Variants in FBXO45 observed in about 807,000 individuals in gnomAD.
The protein encoded by FBXO45 is F-box/SPRY domain-containing protein 1.
Under a neutral mutation model 25.5 loss-of-function variants are expected in FBXO45, and 3 were observed. The ratio of observed to expected loss-of-function variants is 0.12; its 90% CI spans 0.05 to 0.30. The LOEUF (loss-of-function observed/expected upper bound fraction) is 0.30, where lower values mean the gene tolerates loss of function less well. Ranked by LOEUF, FBXO45 falls within the 10% of genes least tolerant of loss-of-function variation. FBXO45 has a pLI of 1.00. For missense variants in FBXO45, 219 were observed against 365.0 expected (o/e 0.60, Z 3.26); for synonymous variants, 155 against 149.8 (o/e 1.03, Z -0.25).
chr3:196,572,786 A>C (rs1735849601), intron 1 of FBXO45, among the ~76,000 whole-genome samples: 2 of 152,220 alleles, frequency 1.3e-5, no homozygotes, highest in Admixed American at 1.3e-4. Context: ...GGAAATAGGT[A>C]GTGGAGGAGA....
At position 196,569,015 on chromosome 3, in the gene FBXO45, G is replaced by C. The variant is rs1010962800; in HGVS notation, c.31G>C (p.Ala11Pro). 6.9e-6 allele frequency: 7 copies of C among 1,009,846 alleles called. No individual in the cohort carries two copies. Among genetic ancestry groups the C allele is most frequent in the Non-Finnish European group, 8.3e-6 (7 of 848,160 alleles). The allele number at this position is 1,009,846 out of a possible 1,614,324, so 62.6% of individuals were successfully genotyped here. MAAPAPGAGAASGGAGCSGGG... is the reference protein window; with the variant it reads MAAPAPGAGAPSGGAGCSGGG... ...GGCGCCGGCCCCGGGGGCTGGGGCA[G>C]CCTCGGGCGGCGCTGGCTGTAGCGG... The change falls in exon 1 of 3, where the codon GCC becomes CCC. Residue 11 changes from alanine (A) to proline (P), a missense_variant. Physicochemically the swap from Ala to Pro is conservative, Grantham distance 27. Around this residue, in one of 4 missense-constraint regions of FBXO45, gnomAD observed 138 missense variants for 157.3 expected, o/e 0.88. Transcript: ENST00000311630. This position sits in a 1 kb window ranked among gnomAD's most constrained non-coding sequence, Gnocchi z 4.1.
rs746544153 is a variant in FBXO45 at position 196,577,638 on chromosome 3, G to A, written c.504G>A (p.Val168=). Residue 168 remains valine (V), a synonymous_variant, in exon 2 of 3, where the codon GTG becomes GTA. Coordinates refer to ENST00000311630, the MANE Select transcript of FBXO45 (RefSeq NM_001105573.2). ...EVWWEGPLGT[V]AVIGIATKRA... ...GGTGGGAGGGCCCTCTGGGCACTGT[G>A]GCAGTGATTGGAATTGCCACAAAAC... 1.2e-6 allele frequency: 2 copies of A among 1,613,716 alleles called. No individual in the cohort carries two copies. Among genetic ancestry groups the A allele is most frequent in the South Asian group, 2.2e-5 (2 of 91,048 alleles).
chr3:196,574,628 G>C lies in FBXO45; in HGVS notation c.319-2825G>C, dbSNP rs1172503242. On this transcript the variant is annotated intron_variant, in intron 1 of 2. Transcript: ENST00000311630. ...TGTCCTCTATTTCCTACTGAGGTGT[G>C]ATCAATTTAGATTAGATTAGATTTT... is the stretch of plus-strand genomic sequence containing the variant. 2.6e-5 allele frequency among the ~76,000 whole-genome samples: 4 copies of C among 152,130 alleles called. No homozygotes were observed. In the East Asian group the frequency reaches 5.8e-4, roughly 22 times the overall value.
chr3:196,575,946 G>T (rs1362511736), intron 1 of FBXO45, among the ~76,000 whole-genome samples: 1 of 152,118 alleles, frequency 6.6e-6, no homozygotes, highest in African/African-American at 2.4e-5. Flanking sequence ...CAAAGTGCTG[G>T]GATTGCAGGG....
chr3:196,570,443 G>T (rs1446560632), intron 1 of FBXO45, among the ~76,000 whole-genome samples: 1 of 151,878 alleles, frequency 6.6e-6, no homozygotes, highest in South Asian at 2.1e-4. Context: ...CTTCTTGTTG[G>T]TTAGGCTGGC....
chr3:196,584,322 T>C lies in FBXO45; in HGVS notation c.*4T>C. ...TGGAAAACCTTTGGACGGATGACAG[T>C]GGCTTTCTTGTGATGACAGACAGAA... On this transcript the variant is annotated 3_prime_UTR_variant, in exon 3 of 3. Coordinates refer to ENST00000311630, the MANE Select transcript of FBXO45 (RefSeq NM_001105573.2). This position sits in a 1 kb window ranked among gnomAD's most constrained non-coding sequence, Gnocchi z 4.3. 1 of 1,596,382 alleles carries C rather than the reference T, an allele frequency of 6.3e-7. No individual in the cohort carries two copies.
rs1736113797 is a variant in FBXO45 at position 196,586,515 on chromosome 3, A to G, written c.*2197A>G. 1 of 152,244 alleles carries G rather than the reference A, an allele frequency of 6.6e-6. No individual in the cohort carries two copies. The highest frequency in any genetic ancestry group is 2.4e-5 in the African/African-American group (1 of 41,460). The allele number at this position is 152,244 out of a possible 1,614,324, so 9.4% of individuals were successfully genotyped here. Reference sequence around the variant, plus strand: ...AGTGAGCAGCATGAGCATCTGGGTCATGAGGGCCTTCATTTACGTAAATTT... The same window carrying G: ...AGTGAGCAGCATGAGCATCTGGGTCGTGAGGGCCTTCATTTACGTAAATTT... On this transcript the variant is annotated 3_prime_UTR_variant, in exon 3 of 3. Transcript: ENST00000311630.
chr3:196,588,723 G>A lies in FBXO45; in HGVS notation c.*4405G>A, dbSNP rs1736182401. On this transcript the variant is annotated 3_prime_UTR_variant, in exon 3 of 3. Coordinates refer to ENST00000311630, the MANE Select transcript of FBXO45 (RefSeq NM_001105573.2). The surrounding 1 kb of genome is among the most constrained non-coding windows in gnomAD (Gnocchi z 4.2). ...CACAACATGTAAGCCCAATAGGCAG[G>A]TGCTCACATATTTGCTGAAGGAACA... The A allele has an allele frequency of 6.6e-6, 1 of 152,252 alleles. No homozygotes were observed. The highest frequency in any genetic ancestry group is 1.9e-4 in the East Asian group (1 of 5,192). 9.4% of individuals were successfully genotyped at this position (152,252 alleles called of 1,614,324 possible).
intron 1 of FBXO45, among the ~76,000 whole-genome samples, chr3:196,575,191 C>T (rs1015622958): frequency 6.6e-6 from 1 of 152,202 alleles, no homozygotes; most frequent in Admixed American, 6.5e-5. Flanking sequence ...CGTGGTGGCT[C>T]ACGCCTGTAA....
rs1735867441 is a variant in FBXO45, at chr3:196,573,795, G to A, written c.319-3658G>A. 3.3e-5 allele frequency among the ~76,000 whole-genome samples: 5 copies of A among 152,094 alleles called. No individual in the cohort carries two copies. In the South Asian group the frequency reaches 1.0e-3, roughly 32 times the overall value. ...GCATTAATTATTTAAGTCATACTTG[G>A]CATCTGATGAGAATTCTCTAAAGTT... On this transcript the variant is annotated intron_variant, in intron 1 of 2. Coordinates refer to ENST00000311630, the MANE Select transcript of FBXO45 (RefSeq NM_001105573.2).
intron 2 of FBXO45, among the ~76,000 whole-genome samples, chr3:196,578,491 T>G (rs192933431): frequency 6.6e-6 from 1 of 151,736 alleles, no homozygotes; most frequent in Admixed American, 6.6e-5. Flanking sequence ...GTCTTTGCAG[T>G]CCATATGGTC....
At position 196,584,393 on chromosome 3, in the gene FBXO45, T is replaced by G; in HGVS notation, c.*75T>G. On this transcript the variant is annotated 3_prime_UTR_variant, in exon 3 of 3. Transcript: ENST00000311630. This position sits in a 1 kb window ranked among gnomAD's most constrained non-coding sequence, Gnocchi z 4.3. Reference sequence around the variant, plus strand: ...GGGAAGTAGAACCATGAAGTGACTGTCACACATGCATGTCCAAGAAACATC... The same window carrying G: ...GGGAAGTAGAACCATGAAGTGACTGGCACACATGCATGTCCAAGAAACATC... The G allele has an allele frequency of 1.5e-6, 2 of 1,305,982 alleles. No individual in the cohort carries two copies. Among genetic ancestry groups the G allele is most frequent in the Non-Finnish European group, 2.1e-6 (2 of 961,856 alleles). 80.9% of individuals were successfully genotyped at this position (1,305,982 alleles called of 1,614,324 possible). A position where few individuals can be genotyped will look rare whatever the true frequency, so the allele number is the denominator to read the frequency against.
rs529172434 is a variant in FBXO45, at chr3:196,583,966, C to T, written c.676-167C>T. Reference sequence around the variant, plus strand: ...CCACTATGCCCGGCCAGATGTATGTCCTTTTTTTATAGATGTTTCTTCCTG... The same window carrying T: ...CCACTATGCCCGGCCAGATGTATGTTCTTTTTTTATAGATGTTTCTTCCTG... On this transcript the variant is annotated intron_variant, in intron 2 of 2. Coordinates refer to ENST00000311630, the MANE Select transcript of FBXO45 (RefSeq NM_001105573.2). 2.0e-5 allele frequency among the ~76,000 whole-genome samples: 3 copies of T among 152,266 alleles called. No individual in the cohort carries two copies. The South Asian group carries it at 6.2e-4, about 32-fold the overall frequency.
intron 2 of FBXO45, among the ~76,000 whole-genome samples, chr3:196,578,822 A>C (rs1735961389): frequency 6.6e-6 from 1 of 152,088 alleles, no homozygotes; most frequent in Non-Finnish European, 1.5e-5. Flanking sequence ...AAAGCTGATT[A>C]GCTATCTTTA....
chr3:196,583,940 G>A (rs1736060954), intron 2 of FBXO45, among the ~76,000 whole-genome samples, 193 bp from the exon 3 acceptor site: 1 of 152,228 alleles, frequency 6.6e-6, no homozygotes. Context: ...ATAGGCATGA[G>A]CCACTATGCC....
chr3:196,572,763 GGT>G lies in FBXO45; in HGVS notation c.318+3462_318+3463del, dbSNP rs1735849294. 3.9e-5 allele frequency among the ~76,000 whole-genome samples: 6 copies of G among 152,282 alleles called. No homozygotes were observed. In the South Asian group the frequency reaches 1.2e-3, roughly 32 times the overall value. On this transcript the variant is annotated intron_variant, in intron 1 of 2. Coordinates refer to ENST00000311630, the MANE Select transcript of FBXO45 (RefSeq NM_001105573.2). ...GGTTGGAAGAGGACCTTAGAAATAT[GGT>G]AGATCAATTAGGAAATAGGTAGTGG...
rs1195089792 is a variant in FBXO45, at chr3:196,584,018, C to T, written c.676-115C>T. 7.0e-6 allele frequency: 7 copies of T among 997,300 alleles called. No homozygotes were observed. Among genetic ancestry groups the T allele is most frequent in the Non-Finnish European group, 1.0e-5 (7 of 679,568 alleles). The allele number at this position is 997,300 out of a possible 1,614,324, so 61.8% of individuals were successfully genotyped here. A position where few individuals can be genotyped will look rare whatever the true frequency, so the allele number is the denominator to read the frequency against. On this transcript the variant is annotated intron_variant, in intron 2 of 2. Coordinates refer to ENST00000311630, the MANE Select transcript of FBXO45 (RefSeq NM_001105573.2). The surrounding 1 kb of genome is among the most constrained non-coding windows in gnomAD (Gnocchi z 4.3). ...CTAGAAAGCTTCCCTTCTGATTTTT[C>T]TAGATAGCTTTCAGGATAATATTCT...
At chr3:196,573,715 A>T (rs1735865970) in intron 1 of FBXO45, among the ~76,000 whole-genome samples, 1 of 149,262 alleles carries the variant, frequency 6.7e-6, no homozygotes, top group Admixed American at 6.7e-5. Context: ...AGTGGAGTTT[A>T]TTAATCTGTT....
chr3:196,578,270 C>T (rs1019438640), intron 2 of FBXO45, among the ~76,000 whole-genome samples: 3 of 151,840 alleles, frequency 2.0e-5, no homozygotes, highest in African/African-American at 4.8e-5. Context: ...CTCCTAACCT[C>T]GTGATTCACC....
Sources: allele counts gnomAD v4.1 joint callset (sites outside exome capture counted in the v4.1 genomes callset), GRCh38; gene constraint gnomAD v4.1.1; regional missense constraint gnomAD v4.1.1; non-coding constraint Gnocchi (gnomAD v3.1); transcripts MANE v1.5; gene names NCBI Gene and HGNC (gene_info 2026-07-23, HGNC 2026-07-21).